Variants in RASGEF1C observed in about 807,000 individuals in gnomAD.
The protein encoded by RASGEF1C is RasGEF domain family member 1C.
In RASGEF1C, 27 loss-of-function variants were observed where a neutral mutation model predicts 58.1. That is an observed-to-expected ratio of 0.46 (90% confidence interval 0.34 to 0.64). RASGEF1C has a LOEUF of 0.64. RASGEF1C is among the 30% of genes least tolerant of loss of function. The pLI is 0.01. For missense variants in RASGEF1C, 502 were observed against 605.1 expected, an observed-to-expected ratio of 0.83 and a Z score of 1.79; for synonymous variants, 243 against 246.3, an observed-to-expected ratio of 0.99 and a Z score of 0.13.
At chr5:180,125,382 T>A (rs960520456) in intron 6 of RASGEF1C, among the ~76,000 whole-genome samples, 1 of 152,220 alleles carries the variant, frequency 6.6e-6, no homozygotes, top group Admixed American at 6.5e-5. Flanking sequence ...CATCATACTC[T>A]ATTGGGACAA....
chr5:180,200,897 G>A (rs1271655841), intron 1 of RASGEF1C, among the ~76,000 whole-genome samples: 1 of 152,094 alleles, frequency 6.6e-6, no homozygotes, highest in Admixed American at 6.5e-5. Context: ...AGGCACTGTG[G>A]GAATGAGGAG....
At chr5:180,169,585 G>A (rs1417387130) in intron 1 of RASGEF1C, among the ~76,000 whole-genome samples, 3 of 150,188 alleles carry the variant, frequency 2.0e-5, no homozygotes, top group East Asian at 2.0e-4. Context: ...GGGGGCTGGG[G>A]GACGTGAGCA....
At chr5:180,142,157 G>T (rs946257886) in intron 1 of RASGEF1C, among the ~76,000 whole-genome samples, 19 of 152,096 alleles carry the variant, frequency 1.2e-4, no homozygotes, top group Admixed American at 7.2e-4. Flanking sequence ...CGTTCTGCTC[G>T]TACCCTGTAG....
intron 6 of RASGEF1C, among the ~76,000 whole-genome samples, chr5:180,124,188 C>T (rs1414286550): frequency 1.3e-5 from 2 of 150,784 alleles, no homozygotes; most frequent in Admixed American, 1.3e-4. Context: ...GCCGAGATAG[C>T]GCCACTGCAC....
intron 10 of RASGEF1C, 30 bp downstream of exon 10, chr5:180,118,579 C>A (rs1198696594): frequency 6.4e-7 from 1 of 1,561,368 alleles, no homozygotes; most frequent in South Asian, 1.2e-5. Context: ...CCTGCTGCAG[C>A]CCCCCTGGGC....
intron 10 of RASGEF1C, among the ~76,000 whole-genome samples, chr5:180,116,179 C>T (rs1450825302): frequency 9.8e-5 from 15 of 152,324 alleles, no homozygotes; most frequent in Non-Finnish European, 4.4e-5. Flanking sequence ...GGTCTCCCTG[C>T]CCTCGCAGCA....
chr5:180,113,240 G>A (rs1414971553), intron 11 of RASGEF1C, among the ~76,000 whole-genome samples: 1 of 60,880 alleles, frequency 1.6e-5, no homozygotes, highest in African/African-American at 6.0e-5. Flanking sequence ...GGGGATGGAC[G>A]GAGGGACCGA....
chr5:180,157,654 G>A (rs1766873439), intron 1 of RASGEF1C, among the ~76,000 whole-genome samples: 1 of 150,330 alleles, frequency 6.7e-6, no homozygotes, highest in Admixed American at 6.7e-5. Context: ...CAAAAATGAA[G>A]TATCAAGCCA....
At chr5:180,123,880 T>C (rs1429979078) in intron 6 of RASGEF1C, among the ~76,000 whole-genome samples, 1 of 152,088 alleles carries the variant, frequency 6.6e-6, no homozygotes, top group Non-Finnish European at 1.5e-5. Flanking sequence ...AATGTAGATG[T>C]GAAGAAATTA....
intron 1 of RASGEF1C, among the ~76,000 whole-genome samples, chr5:180,139,889 C>T (rs1017921075): frequency 6.6e-6 from 1 of 152,196 alleles, no homozygotes; most frequent in Non-Finnish European, 1.5e-5. Flanking sequence ...CTGCTGGACA[C>T]CTGGCACCTG....
intron 4 of RASGEF1C, among the ~76,000 whole-genome samples, chr5:180,128,988 C>T (rs940806776): frequency 6.6e-6 from 1 of 152,212 alleles, no homozygotes; most frequent in African/African-American, 2.4e-5. Flanking sequence ...ATGGCATGGG[C>T]CCTGCCCTGG....
At chr5:180,149,284 C>T (rs1389825265) in intron 1 of RASGEF1C, among the ~76,000 whole-genome samples, 4 of 151,138 alleles carry the variant, frequency 2.6e-5, no homozygotes, top group African/African-American at 9.7e-5. Flanking sequence ...GACGGAGTTT[C>T]ACCATGTTGG....
chr5:180,122,665 C>T (rs986448138), intron 6 of RASGEF1C, among the ~76,000 whole-genome samples: 5 of 148,280 alleles, frequency 3.4e-5, no homozygotes, highest in Non-Finnish European at 5.9e-5. Context: ...CGCTTGAACC[C>T]GGGAGGCAGA....
intron 1 of RASGEF1C, among the ~76,000 whole-genome samples, chr5:180,140,272 C>T (rs939377922): frequency 5.9e-5 from 9 of 152,184 alleles, no homozygotes; most frequent in Admixed American, 1.3e-4. Context: ...AATCACCCAT[C>T]GTATCACCAG....
chr5:180,205,322 A>G (rs1469096253), intron 1 of RASGEF1C, among the ~76,000 whole-genome samples: 1 of 152,234 alleles, frequency 6.6e-6, no homozygotes, highest in Non-Finnish European at 1.5e-5. Flanking sequence ...TAATTGAAGA[A>G]AAAACCATTT....
At chr5:180,205,007 G>A (rs1296745105) in intron 1 of RASGEF1C, among the ~76,000 whole-genome samples, 1 of 152,034 alleles carries the variant, frequency 6.6e-6, no homozygotes, top group Non-Finnish European at 1.5e-5. Flanking sequence ...TGGCCAAGAT[G>A]GCAAAACCCC....
intron 10 of RASGEF1C, among the ~76,000 whole-genome samples, chr5:180,117,480 C>T (rs150881380): frequency 2.4e-4 from 36 of 152,316 alleles, no homozygotes; most frequent in African/African-American, 6.3e-4. Context: ...CCAATGTTCC[C>T]GCATGGCACG....
intron 1 of RASGEF1C, among the ~76,000 whole-genome samples, chr5:180,182,455 G>A (rs905476178): frequency 7.2e-5 from 11 of 152,292 alleles, no homozygotes; most frequent in East Asian, 1.9e-4. Context: ...ACAGCTGGAA[G>A]AGAACCCCAG....
intron 10 of RASGEF1C, among the ~76,000 whole-genome samples, chr5:180,118,012 AAAAT>A (rs1360278219): frequency 4.0e-5 from 6 of 151,608 alleles, no homozygotes; most frequent in Non-Finnish European, 7.4e-5. Context: ...AAAAAAAAAA[AAAAT>A]ACGAGCTGTG....
Sources: gnomAD v4.1 joint callset for allele counts (sites outside exome capture counted in the v4.1 genomes callset) on GRCh38, gnomAD v4.1.1 for gene constraint, MANE v1.5 for transcripts, NCBI Gene and HGNC (gene_info 2026-07-23, HGNC 2026-07-21) for gene names.